Variants in ZNF679 observed in about 807,000 individuals in gnomAD.
ZNF679 encodes the protein hypothetical protein MGC42415.
In ZNF679, 10 loss-of-function variants were observed where a neutral mutation model predicts 13.4. The observed-to-expected ratio is 0.75, with a 90% CI of 0.46 to 1.27. The LOEUF (loss-of-function observed/expected upper bound fraction) is 1.27, where lower values mean the gene tolerates loss of function less well. Ranked by LOEUF, ZNF679 falls within the 50% of genes most tolerant of loss-of-function variation. ZNF679 has a pLI of 0.00. For missense variants in ZNF679, 525 were observed against 477.8 expected (o/e 1.10, Z -0.92); for synonymous variants, 179 against 162.5 (o/e 1.10, Z -0.77).
chr7:64,246,484 AG>A (rs1787871519), intron 1 of ZNF679, among the ~76,000 whole-genome samples: 1 of 152,080 alleles, frequency 6.6e-6, no homozygotes, highest in South Asian at 2.1e-4. Flanking sequence ...AGCACTTTGG[AG>A]GCAAAGGCGG....
chr7:64,235,776 C>T lies in ZNF679; in HGVS notation c.-91+7124C>T, dbSNP rs187519735. Among the ~76,000 whole-genome samples, 41 of 134,094 alleles carry T rather than the reference C, an allele frequency of 3.1e-4. No individual in the cohort carries two copies. The South Asian group carries it at 4.1e-3, about 13-fold the overall frequency. The allele number at this position is 134,094 out of a possible 152,430, so 88.0% of individuals were successfully genotyped here. On this transcript the variant is annotated intron_variant, in intron 1 of 4. Coordinates refer to ENST00000421025, the MANE Select transcript of ZNF679 (RefSeq NM_153363.3). ...TGCACTCCAGCCTGGGCGACAAGAG[C>T]GAAACCCCGTCAAGAAAGAAAGAAA...
intron 1 of ZNF679, among the ~76,000 whole-genome samples, chr7:64,236,034 A>G (rs542412506): frequency 6.6e-6 from 1 of 152,258 alleles, no homozygotes; most frequent in Non-Finnish European, 1.5e-5. Flanking sequence ...TGGGAGGCCA[A>G]GGTGGGTGGA....
intron 1 of ZNF679, among the ~76,000 whole-genome samples, chr7:64,239,638 T>C (rs922453034): frequency 1.3e-5 from 2 of 152,208 alleles, no homozygotes. Context: ...AAATCTTCTT[T>C]CCTGCCTGGA....
In ZNF679 at chr7:64,266,097, T is replaced by C; in HGVS notation, c.464T>C (p.Ile155Thr). The C allele has an allele frequency of 6.2e-7, 1 of 1,612,648 alleles. No individual in the cohort carries two copies. Reference protein sequence around the residue: ...NQCLSTTQNKIFQTHKCVKVF... With the variant: ...NQCLSTTQNKTFQTHKCVKVF... ...TGTTTGTCAACTACCCAAAACAAAATATTTCAGACTCATAAATGTGTCAAA... is the reference window on the plus strand; with the variant it reads ...TGTTTGTCAACTACCCAAAACAAAACATTTCAGACTCATAAATGTGTCAAA... Residue 155 changes from isoleucine (I) to threonine (T), a missense_variant, in exon 5 of 5, where the codon ATA (isoleucine) becomes ACA (threonine). Physicochemically the swap from Ile to Thr is moderately conservative, Grantham distance 89 (BLOSUM62 -1). Transcript: ENST00000421025.
At chr7:64,236,967 A>AAGAAAG (rs1562840343) in intron 1 of ZNF679, among the ~76,000 whole-genome samples, 2 of 23,996 alleles carry the variant, frequency 8.3e-5, no homozygotes, top group African/African-American at 1.4e-4. Context: ...GAAAGAAAGA[A>AAGAAAG]AGAAAGAAAA....
intron 2 of ZNF679, among the ~76,000 whole-genome samples, chr7:64,250,265 G>GTT (rs11434714): frequency 0.067 from 6,071 of 91,208 alleles, 300 homozygotes; most frequent in Non-Finnish European, 0.078. Flanking sequence ...CTTTCCCTTG[G>GTT]TTTTTTTTTT....
intron 1 of ZNF679, 130 bp from the exon 2 acceptor site, chr7:64,248,898 G>C (rs1394695061): frequency 1.5e-6 from 1 of 663,886 alleles, no homozygotes; most frequent in Non-Finnish European, 2.5e-6. Context: ...CACTCAGGGC[G>C]TGAAGGGTGG....
At chr7:64,232,513 C>A (rs1787653724) in intron 1 of ZNF679, among the ~76,000 whole-genome samples, 1 of 152,182 alleles carries the variant, frequency 6.6e-6, no homozygotes, top group Admixed American at 6.5e-5. Flanking sequence ...TGGGCAGGAA[C>A]CAGGTAGGTG....
At chr7:64,245,601 T>C (rs1787858852) in intron 1 of ZNF679, among the ~76,000 whole-genome samples, 1 of 152,280 alleles carries the variant, frequency 6.6e-6, no homozygotes, top group Admixed American at 6.5e-5. Context: ...GGCAGTCCCA[T>C]CTGCTCTCAA....
chr7:64,248,983 A>G (rs1787905551), intron 1 of ZNF679, 45 bp from the exon 2 acceptor site: 1 of 1,277,856 alleles, frequency 7.8e-7, no homozygotes, highest in Non-Finnish European at 1.1e-6. Flanking sequence ...AGAGAACAGG[A>G]TGCCTCCGTA....
chr7:64,259,788 C>T (rs1178574305), intron 2 of ZNF679, among the ~76,000 whole-genome samples: 1 of 152,012 alleles, frequency 6.6e-6, no homozygotes, highest in East Asian at 1.9e-4. Flanking sequence ...ATTTGCCACG[C>T]ATGGTGGCTC....
intron 1 of ZNF679, among the ~76,000 whole-genome samples, chr7:64,238,858 A>G (rs1296391801): frequency 6.6e-6 from 1 of 152,142 alleles, no homozygotes; most frequent in East Asian, 1.9e-4. Flanking sequence ...CACAGTTGAC[A>G]TGGTGACATA....
chr7:64,262,147 C>A (rs1188736824), intron 4 of ZNF679, among the ~76,000 whole-genome samples: 1 of 152,144 alleles, frequency 6.6e-6, no homozygotes, highest in South Asian at 2.1e-4. Context: ...TGAGCCACCG[C>A]GCCTGGCTCG....
chr7:64,242,747 T>A (rs940830655), intron 1 of ZNF679, among the ~76,000 whole-genome samples: 6 of 150,254 alleles, frequency 4.0e-5, no homozygotes, highest in African/African-American at 1.5e-4. Flanking sequence ...ACAATATGCA[T>A]GTGTGTGGTA....
At chr7:64,258,485 A>G (rs1300960387) in intron 2 of ZNF679, among the ~76,000 whole-genome samples, 2 of 151,848 alleles carry the variant, frequency 1.3e-5, no homozygotes, top group Non-Finnish European at 2.9e-5. Flanking sequence ...GGTGGATCAA[A>G]AGGTCAGGAG....
At chr7:64,256,939 G>T (rs924051939) in intron 2 of ZNF679, among the ~76,000 whole-genome samples, 1 of 151,926 alleles carries the variant, frequency 6.6e-6, no homozygotes, top group Non-Finnish European at 1.5e-5. Context: ...ATCATGATCC[G>T]CCCGTCTTGG....
At chr7:64,248,457 T>C (rs1434128458) in intron 1 of ZNF679, among the ~76,000 whole-genome samples, 2 of 152,050 alleles carry the variant, frequency 1.3e-5, no homozygotes, top group Non-Finnish European at 2.9e-5. Context: ...AAGTTTTGTA[T>C]TTTTAGTACA....
intron 4 of ZNF679, among the ~76,000 whole-genome samples, chr7:64,261,894 T>G (rs1253330125): frequency 3.3e-5 from 5 of 151,804 alleles, no homozygotes; most frequent in Non-Finnish European, 7.4e-5. Context: ...GTTTCACTCT[T>G]GTTGCCTAGG....
intron 1 of ZNF679, among the ~76,000 whole-genome samples, chr7:64,246,254 C>T (rs1787867908): frequency 6.6e-6 from 1 of 152,196 alleles, no homozygotes; most frequent in Admixed American, 6.5e-5. Context: ...TTAACCCAAT[C>T]CCATTCTTTA....
Sources: allele counts gnomAD v4.1 joint callset (sites outside exome capture counted in the v4.1 genomes callset), GRCh38; gene constraint gnomAD v4.1.1; transcripts MANE v1.5; gene names NCBI Gene and HGNC (gene_info 2026-07-23, HGNC 2026-07-21).